Variants in ARID1B observed in about 807,000 individuals in gnomAD.
ARID1B encodes the protein AT-rich interaction domain 1B, also known as AT-rich interactive domain-containing protein 1B.
ARID1B carries 30 observed loss-of-function variants against 212.3 expected under a neutral mutation model. That is an observed-to-expected ratio of 0.14 (90% CI 0.11 to 0.19). ARID1B has a LOEUF of 0.19. Ranked by LOEUF, ARID1B falls within the 10% of genes least tolerant of loss-of-function variation. The pLI is 1.00. For synonymous variants in ARID1B, 1,402 were observed against 1,301.7 expected (o/e 1.08, Z -1.66); for missense variants, 2,891 against 3,204.0 (o/e 0.90, Z 2.36).
chr6:156,968,167 A>AATG (rs1794903029), intron 4 of ARID1B, among the ~76,000 whole-genome samples: 1 of 152,206 alleles, frequency 6.6e-6, no homozygotes, highest in Admixed American at 6.5e-5. Context: ...TCACCTGGGA[A>AATG]ATGATTATTG....
intron 2 of ARID1B, among the ~76,000 whole-genome samples, chr6:156,830,687 G>A (rs1783084212): frequency 1.3e-5 from 2 of 151,876 alleles, no homozygotes; most frequent in African/African-American, 4.8e-5. Flanking sequence ...CAGCTATTCG[G>A]GAGGCTGAAG....
intron 3 of ARID1B, among the ~76,000 whole-genome samples, chr6:156,927,769 A>C (rs963268554): frequency 2.6e-5 from 4 of 152,174 alleles, no homozygotes; most frequent in African/African-American, 9.7e-5. Context: ...GTCTAATTCT[A>C]AGTATAAGCT....
chr6:156,915,756 TGTG>T (rs991626457), intron 3 of ARID1B, among the ~76,000 whole-genome samples: 2 of 151,878 alleles, frequency 1.3e-5, no homozygotes, highest in Middle Eastern at 3.2e-3. Context: ...ATTAGCTAGA[TGTG>T]GTGGTGCATA....
At chr6:157,126,164 A>T (rs1358155305) in intron 6 of ARID1B, among the ~76,000 whole-genome samples, 1 of 152,184 alleles carries the variant, frequency 6.6e-6, no homozygotes, top group African/African-American at 2.4e-5. Context: ...TATAAAGGCA[A>T]TAGTAATGCC....
At chr6:157,067,821 T>A (rs1023139944) in intron 4 of ARID1B, among the ~76,000 whole-genome samples, 2 of 152,198 alleles carry the variant, frequency 1.3e-5, no homozygotes, top group African/African-American at 4.8e-5. Context: ...CCGCCTTTTC[T>A]TCCTGTATCC....
intron 3 of ARID1B, among the ~76,000 whole-genome samples, chr6:156,918,996 C>T (rs970856360): frequency 6.6e-6 from 1 of 151,816 alleles, no homozygotes; most frequent in Non-Finnish European, 1.5e-5. Flanking sequence ...GTTTTGGTGG[C>T]GTTATTCCTG....
intron 2 of ARID1B, among the ~76,000 whole-genome samples, chr6:156,900,575 T>TC (rs1788836632): frequency 6.6e-6 from 1 of 152,228 alleles, no homozygotes; most frequent in Admixed American, 6.5e-5. Context: ...ATCTTGTTTT[T>TC]CTTTTCCTTT....
intron 4 of ARID1B, among the ~76,000 whole-genome samples, chr6:156,954,457 T>C (rs986639137): frequency 1.3e-5 from 2 of 152,194 alleles, no homozygotes; most frequent in Non-Finnish European, 2.9e-5. Context: ...TTTTTTTATC[T>C]GTGAGTATTT....
At chr6:156,885,198 G>A (rs1173206957) in intron 2 of ARID1B, among the ~76,000 whole-genome samples, 2 of 152,026 alleles carry the variant, frequency 1.3e-5, no homozygotes, top group Non-Finnish European at 2.9e-5. Flanking sequence ...GGATTTTGGA[G>A]GGTTCTGTCT....
chr6:157,022,355 G>T (rs1780368382), intron 4 of ARID1B: 1 of 152,284 alleles, frequency 6.6e-6, no homozygotes, highest in African/African-American at 2.4e-5. Context: ...CCAACTCACA[G>T]CATTTTTTAA....
At position 156,901,519 on chromosome 6, in the gene ARID1B, G is replaced by A. The variant is rs374876774; in HGVS notation, c.2130G>A (p.Pro710=). The A allele has an allele frequency of 1.0e-4, 161 of 1,612,998 alleles. No homozygotes were observed. Among genetic ancestry groups the A allele is most frequent in the Non-Finnish European group, 1.3e-4 (158 of 1,179,822 alleles). The part of the protein sequence containing the change: ...LPSQSQQRYQ[P]QQDMSQEGYG... ...CCCAGTCCCAGCAGAGGTACCAGCC[G>A]CAGCAGGTGAGCACAGTGCACTGCC... The change falls in exon 3 of 20, where the codon CCG becomes CCA. Residue 710 remains proline, a synonymous_variant. Coordinates refer to ENST00000636930, the MANE Select transcript of ARID1B (RefSeq NM_001374828.1).
intron 4 of ARID1B, chr6:157,022,142 G>GGCGGGGCGGGGCC (rs1780345229): frequency 6.6e-6 from 1 of 152,032 alleles, no homozygotes; most frequent in Non-Finnish European, 1.5e-5. Context: ...AGGGCGGGGA[G>GGCGGGGCGGGGCC]GCGGGGCGGG....
At chr6:156,783,006 T>C (rs2115065672) in intron 1 of ARID1B, among the ~76,000 whole-genome samples, 1 of 152,182 alleles carries the variant, frequency 6.6e-6, no homozygotes, top group East Asian at 1.9e-4. Context: ...AGCCACTCTT[T>C]AAGACAGCTA....
chr6:157,129,268 AC>A (rs1788361267), intron 6 of ARID1B, among the ~76,000 whole-genome samples: 1 of 152,226 alleles, frequency 6.6e-6, no homozygotes, highest in African/African-American at 2.4e-5. Context: ...TGTATTCAAT[AC>A]CCACTGCAGT....
chr6:157,026,304 G>A (rs1780664482), intron 4 of ARID1B, among the ~76,000 whole-genome samples: 1 of 152,200 alleles, frequency 6.6e-6, no homozygotes, highest in South Asian at 2.1e-4. Context: ...AGACAATACT[G>A]CTTTCTGTGG....
In ARID1B at chr6:157,201,712, A is replaced by G. The variant is rs1794130084; in HGVS notation, c.5263+224A>G. ...CCGGGCGCGGTGGCTCATGCCTGTA[A>G]TACCAGCACTTTGGGAGGCCCAGGC... On this transcript the variant is annotated intron_variant, in intron 18 of 19. Transcript: ENST00000636930. This position sits in a 1 kb window ranked among gnomAD's most constrained non-coding sequence, Gnocchi z 5.2. Among the ~76,000 whole-genome samples, 1 of 152,218 alleles carries G rather than the reference A, an allele frequency of 6.6e-6. No individual in the cohort carries two copies. The highest frequency in any genetic ancestry group is 1.5e-5 in the Non-Finnish European group (1 of 68,034).
intron 2 of ARID1B, among the ~76,000 whole-genome samples, chr6:156,897,312 C>T (rs1380462284): frequency 3.1e-5 from 4 of 128,088 alleles, no homozygotes; most frequent in South Asian, 2.5e-4. Flanking sequence ...CTTGCCCTGT[C>T]GCCCAGGCTG....
intron 4 of ARID1B, among the ~76,000 whole-genome samples, chr6:156,970,914 C>T (rs1387840914): frequency 3.9e-5 from 6 of 152,310 alleles, no homozygotes; most frequent in Middle Eastern, 3.4e-3. Context: ...GTGCTGTTTG[C>T]GTGAAAGTAT....
At position 156,786,942 on chromosome 6, in the gene ARID1B, CCTG is replaced by C. The variant is rs1446515087; in HGVS notation, c.1791+7474_1791+7476del. ...CCATGTGGGTCAGCAGTCTATTTGG[CCTG>C]CTTTTTTTTTTTTTTTTTCCGGTGG... On this transcript the variant is annotated intron_variant, in intron 1 of 19. Coordinates refer to ENST00000636930, the MANE Select transcript of ARID1B (RefSeq NM_001374828.1). 2.0e-5 allele frequency among the ~76,000 whole-genome samples: 3 copies of C among 147,744 alleles called. No homozygotes were observed. In the South Asian group the frequency reaches 6.4e-4, roughly 32 times the overall value.
Sources: gnomAD v4.1 joint callset for allele counts (sites outside exome capture counted in the v4.1 genomes callset) on GRCh38, gnomAD v4.1.1 for gene constraint, Gnocchi (gnomAD v3.1) non-coding constraint, MANE v1.5 for transcripts, NCBI Gene and HGNC (gene_info 2026-07-23, HGNC 2026-07-21) for gene names.